MACROD2: variants seen among roughly 807,000 people sequenced by gnomAD.
MACROD2 encodes the protein ADP-ribose glycohydrolase MACROD2.
Under a neutral mutation model 70.4 loss-of-function variants are expected in MACROD2, and 36 were observed. That is an observed-to-expected ratio of 0.51 (90% CI 0.39 to 0.68). The LOEUF is 0.68. MACROD2 is among the 30% of genes least tolerant of loss of function. The pLI is 0.00. For missense variants in MACROD2, 496 were observed against 538.4 expected (o/e 0.92, Z 0.78); for synonymous variants, 172 against 178.8 (o/e 0.96, Z 0.30).
At chr20:14,325,851 A>G (rs763459859) in intron 3 of MACROD2, 32 of 1,613,934 alleles carry the variant, frequency 2.0e-5, no homozygotes, top group Non-Finnish European at 2.5e-5. Flanking sequence ...CATTCCTATG[A>G]ACATACCAAC....
intron 4 of MACROD2, among the ~76,000 whole-genome samples, chr20:14,676,596 T>C (rs1318880906): frequency 6.6e-6 from 1 of 152,166 alleles, no homozygotes; most frequent in African/African-American, 2.4e-5. Context: ...TAGCACTAAA[T>C]GCCCACAGGA....
chr20:14,107,557 T>C (rs555754135), intron 3 of MACROD2, among the ~76,000 whole-genome samples: 8 of 151,654 alleles, frequency 5.3e-5, no homozygotes, highest in East Asian at 1.9e-4. Context: ...AAGGCAGATA[T>C]AACAAAAAAG....
At chr20:15,439,162 A>G (rs1055388604) in intron 7 of MACROD2, among the ~76,000 whole-genome samples, 2 of 152,156 alleles carry the variant, frequency 1.3e-5, no homozygotes, top group African/African-American at 4.8e-5. Context: ...TCAGGAACAT[A>G]CAGGTCAGCT....
chr20:15,518,077 A>G (rs1600523664), intron 8 of MACROD2, among the ~76,000 whole-genome samples: 1 of 152,264 alleles, frequency 6.6e-6, no homozygotes, highest in South Asian at 2.1e-4. Flanking sequence ...AACTTGCAGC[A>G]TACAATTTTG....
intron 5 of MACROD2, among the ~76,000 whole-genome samples, chr20:15,112,996 A>C (rs1313869151): frequency 1.8e-5 from 2 of 110,780 alleles, no homozygotes; most frequent in Non-Finnish European, 4.9e-5. Flanking sequence ...GTGTGTATTT[A>C]TATCACATTT....
At chr20:15,537,525 G>T (rs2146559929) in intron 8 of MACROD2, among the ~76,000 whole-genome samples, 1 of 148,392 alleles carries the variant, frequency 6.7e-6, no homozygotes, top group South Asian at 2.2e-4. Context: ...CCAGGCTGGG[G>T]TGCAATGACA....
chr20:15,039,254 G>A (rs1237285246), intron 5 of MACROD2, among the ~76,000 whole-genome samples: 4 of 152,180 alleles, frequency 2.6e-5, no homozygotes, highest in African/African-American at 9.7e-5. Flanking sequence ...ACCTAGCAAA[G>A]CTTGTTTGTT....
At chr20:14,593,223 ATTCG>A (rs1981898221) in intron 4 of MACROD2, among the ~76,000 whole-genome samples, 1 of 152,198 alleles carries the variant, frequency 6.6e-6, no homozygotes, top group Non-Finnish European at 1.5e-5. Flanking sequence ...TAGTTTTCTT[ATTCG>A]ATTAGAGGAA....
At chr20:15,793,283 ACT>A (rs1253091477) in intron 8 of MACROD2, among the ~76,000 whole-genome samples, 1 of 152,030 alleles carries the variant, frequency 6.6e-6, no homozygotes, top group African/African-American at 2.4e-5. Flanking sequence ...CACCGTAGAG[ACT>A]CTGATTCAGT....
At chr20:15,620,871 G>C (rs2049114996) in intron 8 of MACROD2, among the ~76,000 whole-genome samples, 1 of 152,100 alleles carries the variant, frequency 6.6e-6, no homozygotes, top group Non-Finnish European at 1.5e-5. Context: ...AGTGCTATAA[G>C]GAGTAGAAAT....
chr20:14,557,508 T>G (rs1251838573), intron 4 of MACROD2, among the ~76,000 whole-genome samples: 1 of 151,908 alleles, frequency 6.6e-6, no homozygotes, highest in Non-Finnish European at 1.5e-5. Context: ...ATACATAAAG[T>G]ACTCATATAC....
At chr20:14,214,747 C>T (rs192428454) in intron 3 of MACROD2, among the ~76,000 whole-genome samples, 5 of 151,438 alleles carry the variant, frequency 3.3e-5, no homozygotes, top group East Asian at 2.0e-4. Context: ...TTCTATCCCT[C>T]GCTCCCATCC....
intron 3 of MACROD2, among the ~76,000 whole-genome samples, chr20:14,334,987 C>T (rs549836783): frequency 6.6e-6 from 1 of 151,706 alleles, no homozygotes; most frequent in African/African-American, 2.4e-5. Context: ...TTTTCATTGA[C>T]CAGATTTAAT....
intron 5 of MACROD2, among the ~76,000 whole-genome samples, chr20:14,722,269 A>G (rs6034019): frequency 0.68 from 103,327 of 152,052 alleles, 35,228 homozygotes; most frequent in South Asian, 0.73. Flanking sequence ...ACATCATCAG[A>G]GTGGGGAAAT....
chr20:15,871,947 A>G (rs2064590959), intron 9 of MACROD2, among the ~76,000 whole-genome samples: 1 of 152,190 alleles, frequency 6.6e-6, no homozygotes, highest in Non-Finnish European at 1.5e-5. Flanking sequence ...CACCCATGCC[A>G]TGGATTCATC....
rs985551429 is a variant in MACROD2 at position 15,592,744 on chromosome 20, A to G, written c.645+92897A>G. Among the ~76,000 whole-genome samples the G allele has an allele frequency of 1.3e-5, 2 of 152,220 alleles. 1 individual carries two copies. The highest frequency in any genetic ancestry group is 4.8e-5 in the African/African-American group (2 of 41,458). On this transcript the variant is annotated intron_variant, in intron 8 of 17. Coordinates refer to ENST00000684519, the MANE Select transcript of MACROD2 (RefSeq NM_001351661.2). ...GCTGAAGACATTCTTTATTTAGAATATTTGTCTCAGTTGTCTTCATTATTT... is the reference window on the plus strand; with the variant it reads ...GCTGAAGACATTCTTTATTTAGAATGTTTGTCTCAGTTGTCTTCATTATTT...
chr20:14,269,363 T>G (rs2082171232), intron 3 of MACROD2, among the ~76,000 whole-genome samples: 1 of 152,196 alleles, frequency 6.6e-6, no homozygotes, highest in Non-Finnish European at 1.5e-5. Context: ...CATTTCAGAA[T>G]TGAAATGTTT....
At chr20:15,040,476 G>A (rs2075347399) in intron 5 of MACROD2, among the ~76,000 whole-genome samples, 1 of 152,108 alleles carries the variant, frequency 6.6e-6, no homozygotes, top group South Asian at 2.1e-4. Flanking sequence ...TTAGCCAAGG[G>A]CTTTGTAGAA....
chr20:15,329,413 G>T (rs2077967542), intron 6 of MACROD2, among the ~76,000 whole-genome samples: 1 of 151,916 alleles, frequency 6.6e-6, no homozygotes, highest in Non-Finnish European at 1.5e-5. Context: ...TTCCCAGGTA[G>T]TTCAGCTTTA....
Sources: gnomAD v4.1 joint callset for allele counts (sites outside exome capture counted in the v4.1 genomes callset) on GRCh38, gnomAD v4.1.1 for gene constraint, MANE v1.5 for transcripts, NCBI Gene and HGNC (gene_info 2026-07-23, HGNC 2026-07-21) for gene names.